The following CHN2 variants were observed in gnomAD, a reference collection of about 807,000 sequenced individuals.
CHN2 encodes the protein beta-chimaerin.
CHN2 carries 35 observed loss-of-function variants against 56.3 expected under a neutral mutation model. That is an observed-to-expected ratio of 0.62 (90% CI 0.47 to 0.82). The LOEUF (loss-of-function observed/expected upper bound fraction) is 0.82, where lower values mean the gene tolerates loss of function less well. Among genes scored for constraint, CHN2 ranks in the 40% least tolerant of loss-of-function variants. CHN2 has a pLI of 0.00. For synonymous variants in CHN2, 210 were observed against 212.8 expected (o/e 0.99, Z 0.12); for missense variants, 491 against 580.5 (o/e 0.85, Z 1.58).
chr7:29,448,511 C>G (rs920978974), intron 6 of CHN2, among the ~76,000 whole-genome samples: 3 of 152,164 alleles, frequency 2.0e-5, no homozygotes, highest in African/African-American at 7.2e-5. Context: ...CCAGCTACCC[C>G]ACCCCAAGCT....
chr7:29,421,508 C>G (rs190076041), intron 6 of CHN2, among the ~76,000 whole-genome samples: 1 of 152,198 alleles, frequency 6.6e-6, no homozygotes, highest in Non-Finnish European at 1.5e-5. Flanking sequence ...CCGCCCTAAC[C>G]ACACATAAGA....
At chr7:29,409,159 CT>C (rs1802946760) in intron 6 of CHN2, among the ~76,000 whole-genome samples, 1 of 152,298 alleles carries the variant, frequency 6.6e-6, no homozygotes, top group African/African-American at 2.4e-5. Context: ...GTGGGCAGCT[CT>C]GCGGGCCTAG....
At chr7:29,436,215 G>A (rs1197774829) in intron 6 of CHN2, among the ~76,000 whole-genome samples, 1 of 149,302 alleles carries the variant, frequency 6.7e-6, no homozygotes, top group East Asian at 1.9e-4. Flanking sequence ...TCAAGATTCT[G>A]CATCTCTCAG....
chr7:29,375,442 C>G (rs572830312), intron 3 of CHN2, among the ~76,000 whole-genome samples: 4 of 152,086 alleles, frequency 2.6e-5, no homozygotes, highest in Non-Finnish European at 5.9e-5. Context: ...GTGATCCACC[C>G]GCCTCGGCCT....
intron 6 of CHN2, among the ~76,000 whole-genome samples, chr7:29,467,881 G>GT (rs1212665962): frequency 2.6e-5 from 4 of 152,084 alleles, no homozygotes; most frequent in Non-Finnish European, 4.4e-5. Context: ...TAATTGTTAG[G>GT]TTTTTTCTTT....
In CHN2 at chr7:29,402,803, TG is replaced by T. The variant is rs1802322435; in HGVS notation, c.576+1976del. On this transcript the variant is annotated intron_variant, in intron 6 of 12. Transcript: ENST00000222792. ...AGAGGGAAGTTTGGTCAACAGAAAC[TG>T]ATATTTCTGGACAATATTCCTATCA... 2.0e-5 allele frequency among the ~76,000 whole-genome samples: 3 copies of T among 152,208 alleles called. No homozygotes were observed. In the South Asian group the frequency reaches 6.2e-4, roughly 32 times the overall value.
intron 1 of CHN2, among the ~76,000 whole-genome samples, chr7:29,294,438 A>G (rs1792955235): frequency 6.6e-6 from 1 of 152,094 alleles, no homozygotes; most frequent in Non-Finnish European, 1.5e-5. Context: ...TGCCTTTCTT[A>G]TTTTGCCAGC....
At chr7:29,455,507 A>G (rs1784685038) in intron 6 of CHN2, among the ~76,000 whole-genome samples, 1 of 152,114 alleles carries the variant, frequency 6.6e-6, no homozygotes, top group South Asian at 2.1e-4. Context: ...CTGACTTCCT[A>G]TTTAGTGTCT....
At position 29,155,056 on chromosome 7, in the gene CHN2, G is replaced by T. The variant is rs370103446; in HGVS notation, c.274+8096G>T. Among the ~76,000 whole-genome samples, 876 of 152,208 alleles carry T rather than the reference G, an allele frequency of 5.8e-3. 10 individuals are homozygous for T. The highest frequency in any genetic ancestry group is 0.02 in the African/African-American group (842 of 41,536). Reference sequence around the variant, plus strand: ...TCTTTAAAACCATCAGATCTCGTGAGACTTATTCACTGTCAGGAGAACAGC... The same window carrying T: ...TCTTTAAAACCATCAGATCTCGTGATACTTATTCACTGTCAGGAGAACAGC... On this transcript the variant is annotated intron_variant, in intron 2 of 6. Coordinates refer to the CHN2 transcript ENST00000439384.
chr7:29,311,793 C>A (rs1585031025), intron 1 of CHN2, among the ~76,000 whole-genome samples: 1 of 152,226 alleles, frequency 6.6e-6, no homozygotes, highest in Non-Finnish European at 1.5e-5. Flanking sequence ...GCTATTTAGG[C>A]AACGAGTATT....
At chr7:29,245,634 C>T (rs1442963950) in intron 1 of CHN2, among the ~76,000 whole-genome samples, 3 of 152,186 alleles carry the variant, frequency 2.0e-5, no homozygotes, top group Non-Finnish European at 4.4e-5. Context: ...AAAGATGTAG[C>T]CCACAGAATT....
In CHN2 at chr7:29,203,601, A is replaced by C. The variant is rs550930810; in HGVS notation, c.49+8611A>C. Reference sequence around the variant, plus strand: ...ATTTGAAGTTACATGCGTGGCTTACATTATATTTGTATTGGACAGCTGTGG... The same window carrying C: ...ATTTGAAGTTACATGCGTGGCTTACCTTATATTTGTATTGGACAGCTGTGG... On this transcript the variant is annotated intron_variant, in intron 1 of 12. Coordinates refer to ENST00000222792, the MANE Select transcript of CHN2 (RefSeq NM_004067.4). 3.6e-4 allele frequency among the ~76,000 whole-genome samples: 54 copies of C among 152,110 alleles called. 1 individual carries two copies. The highest frequency in any genetic ancestry group is 1.2e-3 in the African/African-American group (48 of 41,506).
At chr7:29,509,259 G>A (rs1197743224) in intron 11 of CHN2, 42 bp from the exon 12 acceptor site, 4 of 1,452,244 alleles carry the variant, frequency 2.8e-6, no homozygotes, top group East Asian at 2.3e-5. Context: ...AAACTTGAAT[G>A]CCACACTCTG....
intron 3 of CHN2, among the ~76,000 whole-genome samples, chr7:29,368,488 C>A (rs765131302): frequency 6.2e-4 from 94 of 152,156 alleles, no homozygotes; most frequent in Non-Finnish European, 2.5e-4. Context: ...AATCAGTTCT[C>A]TGATTGTGTG....
chr7:29,243,498 A>G (rs1787845866), intron 1 of CHN2, among the ~76,000 whole-genome samples: 1 of 152,248 alleles, frequency 6.6e-6, no homozygotes, highest in African/African-American at 2.4e-5. Context: ...ATATGACAAT[A>G]TCTTCATTTG....
In CHN2 at chr7:29,224,413, T is replaced by C. The variant is rs1786039399; in HGVS notation, c.49+29423T>C. On this transcript the variant is annotated intron_variant, in intron 1 of 12. Coordinates refer to ENST00000222792, the MANE Select transcript of CHN2 (RefSeq NM_004067.4). ...CATTAAGTTATAGTGAGAAGGAACT[T>C]CACAGTACAAACATTTTTTTCTATG... is the stretch of plus-strand genomic sequence containing the variant. 3.3e-5 allele frequency among the ~76,000 whole-genome samples: 5 copies of C among 152,202 alleles called. No individual in the cohort carries two copies. The South Asian group carries it at 1.0e-3, about 32-fold the overall frequency.
At chr7:29,148,965 G>A (rs1303381728) in intron 2 of CHN2, among the ~76,000 whole-genome samples, 1 of 152,132 alleles carries the variant, frequency 6.6e-6, no homozygotes, top group African/African-American at 2.4e-5. Context: ...TAGCCACTGA[G>A]GGGAAAGGTG....
At chr7:29,163,850 A>G (rs1356356717) in intron 2 of CHN2, among the ~76,000 whole-genome samples, 1 of 152,192 alleles carries the variant, frequency 6.6e-6, no homozygotes, top group Non-Finnish European at 1.5e-5. Flanking sequence ...ATGCATATCA[A>G]TAGTTCACTC....
Position 29,398,424 on chromosome 7 carries a change from G to A in CHN2, c.228G>A (p.Val76=). 1 of 1,613,720 alleles carries A rather than the reference G, an allele frequency of 6.2e-7. No homozygotes were observed. The highest frequency in any genetic ancestry group is 8.5e-7 in the Non-Finnish European group (1 of 1,180,010). The change falls in exon 5 of 13, where the codon GTG becomes GTA. Residue 76 remains valine (V), a synonymous_variant. Coordinates refer to ENST00000222792, the MANE Select transcript of CHN2 (RefSeq NM_004067.4). ...AGGCGGATGAGCTTCTTGGAGGCGT[G>A]GAGGGTGCCTACATCCTTAGAGAAA... is the stretch of plus-strand genomic sequence containing the variant. ...REQADELLGG[V]EGAYILRESQ...
Sources: allele counts gnomAD v4.1 joint callset (sites outside exome capture counted in the v4.1 genomes callset), GRCh38; gene constraint gnomAD v4.1.1; transcripts MANE v1.5; gene names NCBI Gene and HGNC (gene_info 2026-07-23, HGNC 2026-07-21).